The following SPTBN5 variants were observed in gnomAD, a reference collection of about 807,000 sequenced individuals.
The protein encoded by SPTBN5 is spectrin beta, non-erythrocytic 5, also known as spectrin beta chain, non-erythrocytic 5.
Under a neutral mutation model 477.6 loss-of-function variants are expected in SPTBN5, and 513 were observed. The ratio of observed to expected loss-of-function variants is 1.07; its 90% CI spans 1.00 to 1.16. The LOEUF (loss-of-function observed/expected upper bound fraction) is 1.16, where lower values mean the gene tolerates loss of function less well. Ranked by LOEUF, SPTBN5 falls within the 50% of genes most tolerant of loss-of-function variation. The pLI is 0.00. For missense variants in SPTBN5, 5,062 were observed against 4,731.8 expected, an observed-to-expected ratio of 1.07 and a Z score of -2.05; for synonymous variants, 2,169 against 2,011.7, an observed-to-expected ratio of 1.08 and a Z score of -2.09.
At chr15:41,864,892 G>C in intron 39 of SPTBN5, among the ~76,000 whole-genome samples, 1 of 152,240 alleles carries the variant, frequency 6.6e-6, no homozygotes, top group South Asian at 2.1e-4. Flanking sequence ...CATTTGCAAG[G>C]TAGGCAGGGA....
Position 41,875,073 on chromosome 15 carries a change from GA to G in SPTBN5, c.4288-18del, listed in dbSNP as rs779603693. The G allele has an allele frequency of 6.3e-7, 1 of 1,599,190 alleles. No homozygotes were observed. The highest frequency in any genetic ancestry group is 1.7e-5 in the Admixed American group (1 of 58,600). On this transcript the variant is annotated intron_variant, in intron 22 of 67. Coordinates refer to ENST00000320955, the MANE Select transcript of SPTBN5 (RefSeq NM_016642.4). ...CTTTGCATCCTGGGAGGGACGCATG[GA>G]GCTGCATTAGGTTCTCTGTGTACAG...
In SPTBN5 at chr15:41,872,311, G is replaced by A. The variant is rs577480780; in HGVS notation, c.5156C>T (p.Ala1719Val). ...REQLRALQEL[A>V]ATRDRELEGT... ...GTTATGGTGTCCTCACCGTGTGGCC[G>A]CCAACTCCTGCAGTGCCCGCAGCTG... Residue 1719 changes from alanine to valine, a missense_variant, in exon 27 of 68, where the codon GCG becomes GTG. By Grantham distance (64) the Ala-to-Val change is moderately conservative. Coordinates refer to ENST00000320955, the MANE Select transcript of SPTBN5 (RefSeq NM_016642.4). 9.9e-6 allele frequency: 16 copies of A among 1,610,088 alleles called. No homozygotes were observed. The highest frequency in any genetic ancestry group is 4.4e-4 in the Middle Eastern group (2 of 4,554).
intron 39 of SPTBN5, among the ~76,000 whole-genome samples, chr15:41,864,544 C>T (rs2066232737): frequency 6.6e-6 from 1 of 152,218 alleles, no homozygotes; most frequent in South Asian, 2.1e-4. Context: ...AAACTACTGA[C>T]CTCAAGTGAT....
chr15:41,886,225 G>A lies in SPTBN5; in HGVS notation c.1030C>T (p.Leu344=), dbSNP rs1251856710. 1.2e-6 allele frequency: 2 copies of A among 1,613,116 alleles called. No individual in the cohort carries two copies. Among genetic ancestry groups the A allele is most frequent in the African/African-American group, 1.3e-5 (1 of 75,084 alleles). The change falls in exon 7 of 68, where the codon CTA becomes TTA. Residue 344 remains leucine (L), a synonymous_variant. Coordinates refer to ENST00000320955, the MANE Select transcript of SPTBN5 (RefSeq NM_016642.4). ...CGGAAGATGGTGAATGCTGCCAGTA[G>A]CTGCCGCATGGCGGGCAGCGAGTCT... ...FPDSLPAMRQ[L]LAAFTIFRTQ...
rs759872340 is a variant in SPTBN5 at position 41,871,466 on chromosome 15, G to A, written c.5356C>T (p.Arg1786Trp). Residue 1786 changes from arginine (R) to tryptophan (W), a missense_variant, in exon 29 of 68, where the codon CGG becomes TGG. Transcript: ENST00000320955. Reference sequence around the variant, plus strand: ...GCCAGCAGCCGGCAGGCGGCCACCCGCTGGCTGCCCATCTCCACTTGGTGC... The same window carrying A: ...GCCAGCAGCCGGCAGGCGGCCACCCACTGGCTGCCCATCTCCACTTGGTGC... Reference protein sequence around the residue: ...FQHQVEMGSQRVAACRLLAES... With the variant: ...FQHQVEMGSQWVAACRLLAES... 3.3e-6 allele frequency: 5 copies of A among 1,537,358 alleles called. No individual in the cohort carries two copies. In the Admixed American group the frequency reaches 6.1e-5, roughly 19 times the overall value.
chr15:41,853,217 T>C, intron 59 of SPTBN5, 41 bp downstream of exon 59: 1 of 1,551,882 alleles, frequency 6.4e-7, no homozygotes, highest in Non-Finnish European at 8.8e-7. Flanking sequence ...AATCAGGCTG[T>C]ATCCCCAGCC....
chr15:41,856,543 G>T lies in SPTBN5; in HGVS notation c.8864C>A (p.Thr2955Asn). 1 of 1,602,652 alleles carries T rather than the reference G, an allele frequency of 6.2e-7. No individual in the cohort carries two copies. Among genetic ancestry groups the T allele is most frequent in the Non-Finnish European group, 8.5e-7 (1 of 1,176,844 alleles). ...CCCAGCCTGCACCAGCTTGTACCCA[G>T]TGCCCAGCACCACCCGGGTCAGAGC... The part of the protein sequence containing the change: ...HEALTRVVLG[T>N]GYKLVQAGHF... The change falls in exon 53 of 68, where the codon ACT becomes AAT. Residue 2955 changes from threonine to asparagine, a missense_variant. By Grantham distance (65) the Thr-to-Asn change is moderately conservative (BLOSUM62 0). Transcript: ENST00000320955.
chr15:41,858,432 CT>C (rs2065991029), intron 49 of SPTBN5, among the ~76,000 whole-genome samples, 169 bp downstream of exon 49: 1 of 152,232 alleles, frequency 6.6e-6, no homozygotes, highest in Non-Finnish European at 1.5e-5. Context: ...CGGAAAGCAA[CT>C]TCTTCTCACT....
At chr15:41,851,974 C>T (rs181633003) in intron 62 of SPTBN5, 124 bp from the exon 63 acceptor site, 67 of 954,756 alleles carry the variant, frequency 7.0e-5, no homozygotes, top group Non-Finnish European at 9.6e-5. Context: ...CCTGACCCTG[C>T]TTAGCTTCTA....
At position 41,862,270 on chromosome 15, in the gene SPTBN5, G is replaced by C. The variant is rs1326287278; in HGVS notation, c.7408C>G (p.His2470Asp). 5 of 1,607,278 alleles carry C rather than the reference G, an allele frequency of 3.1e-6. No individual in the cohort carries two copies. Among genetic ancestry groups the C allele is most frequent in the East Asian group, 4.5e-5 (2 of 44,748 alleles). Reference protein sequence around the residue: ...QKRREALDALHQAQKLQAMLQ... With the variant: ...QKRREALDALDQAQKLQAMLQ... ...ATTGCCTGGAGTTTCTGAGCTTGGT[G>C]CAAGGCATCCAGCGCCTCCCTCCTG... The change falls in exon 44 of 68, where the codon CAC (histidine) becomes GAC (aspartate). Residue 2470 changes from histidine to aspartate, a missense_variant. By Grantham distance (81) the His-to-Asp change is moderately conservative (BLOSUM62 -1). Transcript: ENST00000320955.
chr15:41,882,637 G>A lies in SPTBN5; in HGVS notation c.1994C>T (p.Ala665Val), dbSNP rs371369677. Residue 665 changes from alanine (A) to valine (V), a missense_variant, in exon 10 of 68, where the codon GCG (alanine) becomes GTG (valine). Coordinates refer to ENST00000320955, the MANE Select transcript of SPTBN5 (RefSeq NM_016642.4). ...LKECGQRVGN[A>V]ALGRDLSQIA... Reference sequence around the variant, plus strand: ...CTGGCTGAGATCCCGGCCCAGGGCCGCATTCCCCACCCGCTGTCCGCACTC... The same window carrying A: ...CTGGCTGAGATCCCGGCCCAGGGCCACATTCCCCACCCGCTGTCCGCACTC... The A allele has an allele frequency of 1.0e-5, 16 of 1,607,110 alleles. No homozygotes were observed. The highest frequency in any genetic ancestry group is 2.2e-5 in the East Asian group (1 of 44,674).
In SPTBN5 at chr15:41,886,274, C is replaced by T; in HGVS notation, c.981G>A (p.Met327Ile). The stretch of plus-strand genomic sequence containing the variant: ...CTGGAAAATCCCGCGCCTCCAGCTG[C>T]ATCTGCTTCTCTGCAATCCAGCGTA... ...DLLRWIAEKQ[M>I]QLEARDFPDS... Residue 327 changes from methionine to isoleucine, a missense_variant, in exon 7 of 68, where the codon ATG becomes ATA. Coordinates refer to ENST00000320955, the MANE Select transcript of SPTBN5 (RefSeq NM_016642.4). 2 of 1,613,366 alleles carry T rather than the reference C, an allele frequency of 1.2e-6. No individual in the cohort carries two copies. Among genetic ancestry groups the T allele is most frequent in the Non-Finnish European group, 1.7e-6 (2 of 1,179,888 alleles).
At chr15:41,852,152 G>T in intron 62 of SPTBN5, 30 bp downstream of exon 62, 1 of 1,550,368 alleles carries the variant, frequency 6.5e-7, no homozygotes, top group Non-Finnish European at 8.7e-7. Context: ...ACCACGGCGG[G>T]GGTGCCTGCA....
chr15:41,856,770 G>A, intron 52 of SPTBN5, 83 bp downstream of exon 52: 1 of 1,424,344 alleles, frequency 7.0e-7, no homozygotes, highest in Non-Finnish European at 9.4e-7. Flanking sequence ...GAGAGTTCCT[G>A]GCTGGGCCAC....
intron 58 of SPTBN5, 46 bp from the exon 59 acceptor site, chr15:41,853,493 A>AGGGG (rs748961271): frequency 6.5e-7 from 1 of 1,537,476 alleles, no homozygotes; most frequent in South Asian, 1.2e-5. Context: ...GCTGGGGAGC[A>AGGGG]GGGGAGGGAG....
In SPTBN5 at chr15:41,882,474, C is replaced by CG. The variant is rs755838303; in HGVS notation, c.2047-6dup. 5.8e-6 allele frequency: 9 copies of CG among 1,554,882 alleles called. No individual in the cohort carries two copies. Among genetic ancestry groups the CG allele is most frequent in the Admixed American group, 1.9e-5 (1 of 53,072 alleles). On this transcript the variant is annotated splice_polypyrimidine_tract_variant and splice_region_variant and intron_variant, in intron 10 of 67. Coordinates refer to ENST00000320955, the MANE Select transcript of SPTBN5 (RefSeq NM_016642.4). ...GTGGACCTCAGCTTCCAGGGCCTAG[C>CG]GGGGGGCAGAGCAGGGGGCTCAGTG...
chr15:41,865,417 A>T (rs2066266457), intron 39 of SPTBN5, among the ~76,000 whole-genome samples: 1 of 152,192 alleles, frequency 6.6e-6, no homozygotes, highest in South Asian at 2.1e-4. Flanking sequence ...CTTCCCTTAC[A>T]GCAGCATCCT....
chr15:41,849,728 C>T (rs915549514), intron 67 of SPTBN5, 141 bp downstream of exon 67: 9 of 658,606 alleles, frequency 1.4e-5, no homozygotes, highest in Non-Finnish European at 2.1e-5. Context: ...TGGGCAGGGG[C>T]AGCTGAGGGT....
intron 25 of SPTBN5, 98 bp downstream of exon 25, chr15:41,873,747 C>G: frequency 6.5e-7 from 1 of 1,535,042 alleles, no homozygotes. Flanking sequence ...AGCCCAGAGC[C>G]CCCACCACTG....
Sources: gnomAD v4.1 joint callset for allele counts (sites outside exome capture counted in the v4.1 genomes callset) on GRCh38, gnomAD v4.1.1 for gene constraint, MANE v1.5 for transcripts, NCBI Gene and HGNC (gene_info 2026-07-23, HGNC 2026-07-21) for gene names.